RAB3IL1: variants seen among roughly 807,000 people sequenced by gnomAD.
RAB3IL1 encodes the protein RAB3A interacting protein like 1, also known as guanine nucleotide exchange factor for Rab-3A.
A neutral mutation model predicts 49.2 loss-of-function variants in RAB3IL1; 37 were observed. That is an observed-to-expected ratio of 0.75 (90% CI 0.58 to 0.99). RAB3IL1 has a LOEUF of 0.99. Ranked by LOEUF, RAB3IL1 falls within the 50% of genes least tolerant of loss-of-function variation. The probability of loss-of-function intolerance (pLI) is 0.00; values close to 1 mark genes in which losing one functional copy is unlikely to be tolerated. For missense variants in RAB3IL1, 484 were observed against 513.0 expected (o/e 0.94, Z 0.55); for synonymous variants, 193 against 213.9 (o/e 0.90, Z 0.85).
chr11:61,912,716 G>T (rs1161899612), intron 1 of RAB3IL1, among the ~76,000 whole-genome samples: 6 of 152,174 alleles, frequency 3.9e-5, no homozygotes, highest in Non-Finnish European at 8.8e-5. Flanking sequence ...AGAGGAAAGG[G>T]GATGAATGGC....
chr11:61,902,515 C>T lies in RAB3IL1; in HGVS notation c.926G>A (p.Arg309His), dbSNP rs756048663. Residue 309 changes from arginine to histidine, a missense_variant, in exon 8 of 10, where the codon CGC becomes CAC. Coordinates refer to ENST00000394836, the MANE Select transcript of RAB3IL1 (RefSeq NM_013401.4). ...GAGCCGGATTCGGTGGCGGCAGGTGCGGGTCAGCCCGCTCAGGGCACATGT... is the reference window on the plus strand; with the variant it reads ...GAGCCGGATTCGGTGGCGGCAGGTGTGGGTCAGCCCGCTCAGGGCACATGT... ...TNTCALSGLTRTCRHRIRLGD... is the reference protein window; with the variant it reads ...TNTCALSGLTHTCRHRIRLGD... 8.6e-5 allele frequency: 137 copies of T among 1,601,736 alleles called. No homozygotes were observed. The highest frequency in any genetic ancestry group is 1.6e-4 in the Middle Eastern group (1 of 6,068).
chr11:61,930,432 G>A, the RAB3IL1 span, among the ~76,000 whole-genome samples: 58,171 of 152,040 alleles, frequency 0.38, 11,449 homozygotes, highest in South Asian at 0.65. Flanking sequence ...GATATGGAAA[G>A]GGTGAGCTTG....
upstream of RAB3IL1, among the ~76,000 whole-genome samples, chr11:61,918,174 T>C (rs1332806877): frequency 6.8e-6 from 1 of 148,000 alleles, no homozygotes; most frequent in Non-Finnish European, 1.5e-5. Flanking sequence ...TACACACACC[T>C]GTCTGGTCCC....
chr11:61,919,626 A>T (rs1939844735), upstream of RAB3IL1, among the ~76,000 whole-genome samples: 1 of 152,176 alleles, frequency 6.6e-6, no homozygotes, highest in African/African-American at 2.4e-5. Flanking sequence ...TCCTGAGCAC[A>T]TGCTAGGTGT....
Position 61,908,151 on chromosome 11 carries a change from G to A in RAB3IL1, c.167C>T (p.Ala56Val), listed in dbSNP as rs774849633. 1.2e-5 allele frequency: 19 copies of A among 1,572,960 alleles called. No individual in the cohort carries two copies. In the South Asian group the frequency reaches 2.2e-4, roughly 18 times the overall value. Residue 56 changes from alanine (A) to valine (V), a missense_variant, in exon 2 of 10, where the codon GCC (alanine) becomes GTC (valine). Physicochemically the swap from Ala to Val is moderately conservative, Grantham distance 64. Transcript: ENST00000394836. Reference sequence around the variant, plus strand: ...CAGGCGCAACACGTCCAGCTGGGCGGCTGCGGGGCCCTCCTGGCCTTGGGC... The same window carrying A: ...CAGGCGCAACACGTCCAGCTGGGCGACTGCGGGGCCCTCCTGGCCTTGGGC... Reference protein sequence around the residue: ...EEAQGQEGPAAAQLDVLRLRS... With the variant: ...EEAQGQEGPAVAQLDVLRLRS...
the RAB3IL1 span, chr11:61,945,920 G>T: frequency 1.8e-6 from 1 of 558,426 alleles, no homozygotes; most frequent in Non-Finnish European, 2.3e-6. Context: ...GTTGGACCTA[G>T]GTGTATCCCA....
At chr11:61,941,393 T>A in the RAB3IL1 span, among the ~76,000 whole-genome samples, 1 of 152,224 alleles carries the variant, frequency 6.6e-6, no homozygotes, top group Admixed American at 6.5e-5. Flanking sequence ...ATATACTTCA[T>A]AACCCATTCT....
At chr11:61,931,482 A>G in the RAB3IL1 span, among the ~76,000 whole-genome samples, 1 of 152,248 alleles carries the variant, frequency 6.6e-6, no homozygotes, top group Non-Finnish European at 1.5e-5. Context: ...CATGCTTGCC[A>G]TCAGTTTTTA....
At chr11:61,911,016 GACTA>G (rs1260284904) in intron 1 of RAB3IL1, among the ~76,000 whole-genome samples, 1 of 152,240 alleles carries the variant, frequency 6.6e-6, no homozygotes, top group Non-Finnish European at 1.5e-5. Flanking sequence ...CACAGTGAAA[GACTA>G]ACTCTCTCTC....
chr11:61,907,723 C>T, intron 2 of RAB3IL1, 63 bp from the exon 3 acceptor site: 1 of 1,457,714 alleles, frequency 6.9e-7, no homozygotes. Context: ...CGGGAGGGAC[C>T]AGGCCCACCG....
chr11:61,920,155 C>A, upstream of RAB3IL1: 1 of 1,328,048 alleles, frequency 7.5e-7, no homozygotes, highest in Non-Finnish European at 9.7e-7. Flanking sequence ...ACATGTCCCT[C>A]GGGCGGGGCA....
At chr11:61,939,629 C>CAA in the RAB3IL1 span, among the ~76,000 whole-genome samples, 2 of 132,050 alleles carry the variant, frequency 1.5e-5, no homozygotes, top group African/African-American at 5.6e-5. Context: ...TTAGACTGAC[C>CAA]AAAAAAAAAA....
At chr11:61,933,904 C>T in the RAB3IL1 span, among the ~76,000 whole-genome samples, 1 of 151,798 alleles carries the variant, frequency 6.6e-6, no homozygotes, top group East Asian at 1.9e-4. Flanking sequence ...AAGATTGCGC[C>T]ACTGCACCCC....
rs1233994561 is a variant in RAB3IL1, at chr11:61,917,339, G to A, written c.11+18C>T. The A allele has an allele frequency of 7.6e-7, 1 of 1,313,330 alleles. No homozygotes were observed. Among genetic ancestry groups the A allele is most frequent in the Non-Finnish European group, 9.7e-7 (1 of 1,031,366 alleles). 81.4% of individuals were successfully genotyped at this position (1,313,330 alleles called of 1,614,324 possible). On this transcript the variant is annotated intron_variant, in intron 1 of 9. Transcript: ENST00000394836. ...CGGCCCAGACCCAGCGCGGGACCGCGAGCGCGCGCGGACCTACCCGCTCCA... is the reference window on the plus strand; with the variant it reads ...CGGCCCAGACCCAGCGCGGGACCGCAAGCGCGCGCGGACCTACCCGCTCCA...
In RAB3IL1 at chr11:61,917,450, C is replaced by T. The variant is rs1939749418; in HGVS notation, c.-83G>A. The T allele has an allele frequency of 7.7e-6, 9 of 1,173,456 alleles. No individual in the cohort carries two copies. Among genetic ancestry groups the T allele is most frequent in the Non-Finnish European group, 9.5e-6 (9 of 951,912 alleles). The allele number at this position is 1,173,456 out of a possible 1,614,324, so 72.7% of individuals were successfully genotyped here. ...CCGCGTCCCCGCCCGCCGCCGACTC[C>T]GCCAGGGGCCGAGCCGCCCCACCGC... On this transcript the variant is annotated 5_prime_UTR_variant, in exon 1 of 10. Coordinates refer to ENST00000394836, the MANE Select transcript of RAB3IL1 (RefSeq NM_013401.4).
At chr11:61,917,563 TCACGTG>T in exon 1 of RAB3IL1, 1 of 1,091,350 alleles carries the variant, frequency 9.2e-7, no homozygotes. Context: ...CCTGGGCGGG[TCACGTG>T]GCGGAGGGGG....
intron 1 of RAB3IL1, among the ~76,000 whole-genome samples, chr11:61,915,760 G>A (rs986705085): frequency 2.0e-5 from 3 of 152,272 alleles, no homozygotes; most frequent in Admixed American, 6.5e-5. Context: ...AGCCCAGGCC[G>A]GGTGCAGTGG....
chr11:61,934,444 G>GTGTGTATGTGTGTGTA, the RAB3IL1 span, among the ~76,000 whole-genome samples: 1 of 83,662 alleles, frequency 1.2e-5, no homozygotes, highest in Admixed American at 1.2e-4. Context: ...GTGTGTGTGT[G>GTGTGTATGTGTGTGTA]TGTATGTATA....
the RAB3IL1 span, among the ~76,000 whole-genome samples, chr11:61,932,033 C>G: frequency 3.3e-5 from 5 of 152,104 alleles, no homozygotes; most frequent in Middle Eastern, 3.4e-3. Flanking sequence ...AGGCAGATCA[C>G]AAGGTCAGGA....
Sources: gnomAD v4.1 joint callset for allele counts (sites outside exome capture counted in the v4.1 genomes callset) on GRCh38, gnomAD v4.1.1 for gene constraint, MANE v1.5 for transcripts, NCBI Gene and HGNC (gene_info 2026-07-23, HGNC 2026-07-21) for gene names.